RCL1: variants seen among roughly 807,000 people sequenced by gnomAD.
RCL1 encodes RNA 3'-terminal phosphate cyclase-like protein.
A neutral mutation model predicts 42.4 loss-of-function variants in RCL1; 24 were observed. That is an observed-to-expected ratio of 0.57 (90% CI 0.41 to 0.80). The LOEUF (loss-of-function observed/expected upper bound fraction) is 0.80, where lower values mean the gene tolerates loss of function less well. Among genes scored for constraint, RCL1 ranks in the 30% least tolerant of loss-of-function variants. The probability of loss-of-function intolerance (pLI) is 0.00; values close to 1 mark genes in which losing one functional copy is unlikely to be tolerated. For missense variants in RCL1, 578 were observed against 467.9 expected (o/e 1.24, Z -2.17); for synonymous variants, 228 against 177.3 (o/e 1.29, Z -2.27).
intron 3 of RCL1, among the ~76,000 whole-genome samples, chr9:4,830,641 AAAG>A (rs750983911): frequency 9.2e-5 from 14 of 152,206 alleles, no homozygotes; most frequent in Non-Finnish European, 1.2e-4. Flanking sequence ...TAGAGAAGGA[AAAG>A]AAGTACAATA....
At chr9:4,848,173 A>G (rs1356514708) in intron 7 of RCL1, among the ~76,000 whole-genome samples, 1 of 152,228 alleles carries the variant, frequency 6.6e-6, no homozygotes, top group East Asian at 1.9e-4. Context: ...GTTGGTCGTC[A>G]TATTTTCCAT....
At chr9:4,823,291 T>A (rs1034356734) in intron 1 of RCL1, among the ~76,000 whole-genome samples, 1 of 151,888 alleles carries the variant, frequency 6.6e-6, no homozygotes, top group African/African-American at 2.4e-5. Context: ...ATTTTTTTTT[T>A]TTTTTTTTTT....
At chr9:4,805,393 A>AAGGAGG (rs199995387) in intron 1 of RCL1, among the ~76,000 whole-genome samples, 3 of 95,404 alleles carry the variant, frequency 3.1e-5, no homozygotes, top group Non-Finnish European at 6.8e-5. Flanking sequence ...TAAAAAGAAG[A>AAGGAGG]AGAAGGAGAA....
At chr9:4,816,185 C>T (rs111936570) in intron 1 of RCL1, among the ~76,000 whole-genome samples, 3,391 of 152,172 alleles carry the variant, frequency 0.022, 126 homozygotes, top group African/African-American at 0.078. Context: ...AGATATTTTG[C>T]TCATTTTTCT....
At chr9:4,841,954 C>T (rs1411644731) in intron 6 of RCL1, among the ~76,000 whole-genome samples, 2 of 152,170 alleles carry the variant, frequency 1.3e-5, no homozygotes, top group African/African-American at 2.4e-5. Context: ...GTGTATTTAG[C>T]AACTAGGAAG....
At chr9:4,793,379 G>C in intron 1 of RCL1, 152 bp downstream of exon 1, 1 of 872,430 alleles carries the variant, frequency 1.1e-6, no homozygotes, top group Non-Finnish European at 1.6e-6. Context: ...CAAAGCCGGA[G>C]GGGCAGGCAC....
chr9:4,815,453 CTTT>C (rs71326139), intron 1 of RCL1, among the ~76,000 whole-genome samples: 4 of 141,270 alleles, frequency 2.8e-5, no homozygotes, highest in Non-Finnish European at 1.6e-5. Context: ...TTTTTCTTTT[CTTT>C]TTTTTTTTTG....
At chr9:4,832,278 C>G (rs1816965937) in intron 3 of RCL1, among the ~76,000 whole-genome samples, 1 of 152,128 alleles carries the variant, frequency 6.6e-6, no homozygotes, top group Admixed American at 6.5e-5. Flanking sequence ...GTTTGTGCTG[C>G]TTCCTGTAGT....
In RCL1 at chr9:4,860,378, C is replaced by T; in HGVS notation, c.*103C>T. The T allele has an allele frequency of 1.7e-6, 2 of 1,188,384 alleles. No individual in the cohort carries two copies. The highest frequency in any genetic ancestry group is 3.2e-5 in the Admixed American group (1 of 30,854). 73.6% of individuals were successfully genotyped at this position (1,188,384 alleles called of 1,614,324 possible). On this transcript the variant is annotated 3_prime_UTR_variant, in exon 9 of 9. Transcript: ENST00000381750. ...ATGGATTAATCCAGGACAGAATAGC[C>T]ACTTGCTTAATTTTCTGTGAAGAAA...
At chr9:4,837,692 G>C (rs530388148) in intron 5 of RCL1, among the ~76,000 whole-genome samples, 2 of 152,292 alleles carry the variant, frequency 1.3e-5, no homozygotes, top group Admixed American at 6.5e-5. Context: ...CTTTCCAGGG[G>C]AGAACATAAA....
chr9:4,849,617 A>AG, intron 8 of RCL1, 67 bp downstream of exon 8: 1 of 1,206,518 alleles, frequency 8.3e-7, no homozygotes, highest in Non-Finnish European at 1.2e-6. Context: ...AAAATGACAA[A>AG]GGGTGTTGTG....
chr9:4,821,808 TTGTGATATAATAATAAATCCACTCC>T (rs1207405317), intron 1 of RCL1, among the ~76,000 whole-genome samples: 2 of 152,230 alleles, frequency 1.3e-5, no homozygotes, highest in African/African-American at 4.8e-5. Context: ...CAGCCCACTC[TTGTGATATAATAATAAATCCACTCC>T]TGTGATAATG....
rs777533840 is a variant in RCL1, at chr9:4,827,048, C to A, written c.384+15C>A. The A allele has an allele frequency of 6.2e-7, 1 of 1,614,150 alleles. No homozygotes were observed. Among genetic ancestry groups the A allele is most frequent in the South Asian group, 1.1e-5 (1 of 91,082 alleles). On this transcript the variant is annotated intron_variant, in intron 3 of 8. Coordinates refer to ENST00000381750, the MANE Select transcript of RCL1 (RefSeq NM_005772.5). ...TTGACCCTTCAGTGAGTATTGAGAA[C>A]AAACCGTGGTGTGGTTTTTGTTTTG...
At chr9:4,803,243 G>A (rs1164698499) in intron 1 of RCL1, among the ~76,000 whole-genome samples, 1 of 152,142 alleles carries the variant, frequency 6.6e-6, no homozygotes, top group African/African-American at 2.4e-5. Flanking sequence ...AAAGTATGCA[G>A]CAGTTTCAGA....
At chr9:4,823,444 G>A in intron 1 of RCL1, 104 bp from the exon 2 acceptor site, 2 of 819,386 alleles carry the variant, frequency 2.4e-6, no homozygotes, top group South Asian at 1.7e-5. Flanking sequence ...GAAGTAACCT[G>A]CCCTCTACCA....
chr9:4,834,107 C>T lies in RCL1; in HGVS notation c.460-34C>T, dbSNP rs769170839. ...GTCAGGGTAATCCATTGCTTTGCTGCATCCTCGCCTCATCTTTCTCACTCT... is the reference window on the plus strand; with the variant it reads ...GTCAGGGTAATCCATTGCTTTGCTGTATCCTCGCCTCATCTTTCTCACTCT... On this transcript the variant is annotated intron_variant, in intron 4 of 8. Transcript: ENST00000381750. 10 of 1,601,352 alleles carry T rather than the reference C, an allele frequency of 6.2e-6. No homozygotes were observed. The African/African-American group carries it at 1.3e-4, about 21-fold the overall frequency.
chr9:4,858,120 C>T (rs1818026398), intron 8 of RCL1, among the ~76,000 whole-genome samples: 2 of 151,930 alleles, frequency 1.3e-5, no homozygotes, highest in Admixed American at 1.3e-4. Flanking sequence ...AAGCAATTTG[C>T]CTGCCTTGGC....
At chr9:4,853,247 C>G (rs762156635) in intron 8 of RCL1, among the ~76,000 whole-genome samples, 4 of 151,844 alleles carry the variant, frequency 2.6e-5, no homozygotes, top group African/African-American at 9.7e-5. Flanking sequence ...GTTACGTGCC[C>G]AGGGTCACAC....
intron 5 of RCL1, chr9:4,836,736 C>G (rs1817149931): frequency 6.6e-6 from 1 of 152,312 alleles, no homozygotes; most frequent in Non-Finnish European, 1.5e-5. Context: ...CGTGGACTGT[C>G]TTTTCAGAGG....
Sources: allele counts gnomAD v4.1 joint callset (sites outside exome capture counted in the v4.1 genomes callset), GRCh38; gene constraint gnomAD v4.1.1; transcripts MANE v1.5; gene names NCBI Gene and HGNC (gene_info 2026-07-23, HGNC 2026-07-21).